Variants in RANBP2 observed in about 807,000 individuals in gnomAD.
RANBP2 encodes the protein RAN binding protein 2.
A neutral mutation model predicts 303.6 loss-of-function variants in RANBP2; 57 were observed. That is an observed-to-expected ratio of 0.19 (90% CI 0.15 to 0.23). The LOEUF (loss-of-function observed/expected upper bound fraction) is 0.23. Ranked by LOEUF, RANBP2 falls within the 10% of genes least tolerant of loss-of-function variation. The probability of loss-of-function intolerance (pLI) is 1.00; values close to 1 mark genes in which losing one functional copy is unlikely to be tolerated. For missense variants in RANBP2, 3,138 were observed against 3,780.8 expected (o/e 0.83, Z 4.46); for synonymous variants, 1,167 against 1,301.5 (o/e 0.90, Z 2.23).
intron 17 of RANBP2, among the ~76,000 whole-genome samples, chr2:108,755,560 ATTG>A (rs1282709736): frequency 6.6e-6 from 1 of 151,768 alleles, no homozygotes; most frequent in Non-Finnish European, 1.5e-5. Context: ...GGCCCAGCTA[ATTG>A]TTGTATTTTT....
At chr2:109,074,214 C>G in the RANBP2 span, among the ~76,000 whole-genome samples, 1 of 150,086 alleles carries the variant, frequency 6.7e-6, no homozygotes, top group Non-Finnish European at 1.5e-5. Context: ...TAGAAATACA[C>G]AAAATTTAGC....
chr2:109,486,510 C>T, the RANBP2 span, among the ~76,000 whole-genome samples: 1 of 152,220 alleles, frequency 6.6e-6, no homozygotes, highest in Non-Finnish European at 1.5e-5. Context: ...TGAGTAAACA[C>T]ATTATAAAAA....
chr2:109,056,165 G>C, the RANBP2 span, among the ~76,000 whole-genome samples: 1 of 151,756 alleles, frequency 6.6e-6, no homozygotes, highest in Non-Finnish European at 1.5e-5. Flanking sequence ...TTTAGGGGGT[G>C]GGGGAAGACA....
the RANBP2 span, among the ~76,000 whole-genome samples, chr2:108,987,032 G>A: frequency 1.3e-5 from 2 of 152,212 alleles, no homozygotes; most frequent in African/African-American, 4.8e-5. Context: ...CATGCAGGCA[G>A]TCACTAGGCA....
chr2:109,142,963 G>A, the RANBP2 span, among the ~76,000 whole-genome samples: 1 of 152,060 alleles, frequency 6.6e-6, no homozygotes, highest in South Asian at 2.1e-4. Flanking sequence ...GTGGAGTGCC[G>A]GGGGCTTGGG....
chr2:108,755,722 A>ATTTTG lies in RANBP2; in HGVS notation c.2466+479_2466+483dup, dbSNP rs1410179066. 4.6e-5 allele frequency among the ~76,000 whole-genome samples: 7 copies of ATTTTG among 150,654 alleles called. No individual in the cohort carries two copies. The East Asian group carries it at 9.9e-4, about 21-fold the overall frequency. ...TACCTCGGTCTTGACCCTTTACCAT[A>ATTTTG]TTTTGTTTTGTTTTGTTTTGAGATG... On this transcript the variant is annotated intron_variant, in intron 17 of 28. Transcript: ENST00000283195.
chr2:109,094,313 T>G, the RANBP2 span, among the ~76,000 whole-genome samples: 3 of 152,172 alleles, frequency 2.0e-5, no homozygotes, highest in African/African-American at 4.8e-5. Context: ...CCCTCCTTTT[T>G]GGGGATCCGG....
chr2:109,140,871 G>T, the RANBP2 span, among the ~76,000 whole-genome samples: 3 of 152,164 alleles, frequency 2.0e-5, no homozygotes, highest in Non-Finnish European at 2.9e-5. Flanking sequence ...GGCCCCAGGG[G>T]TATCAGTTTT....
At chr2:109,106,640 T>A in the RANBP2 span, among the ~76,000 whole-genome samples, 1 of 152,022 alleles carries the variant, frequency 6.6e-6, no homozygotes, top group South Asian at 2.1e-4. Flanking sequence ...ATCAAGACCA[T>A]CCTGGCTGAC....
At chr2:109,005,518 A>C in the RANBP2 span, among the ~76,000 whole-genome samples, 1 of 152,102 alleles carries the variant, frequency 6.6e-6, no homozygotes, top group East Asian at 1.9e-4. Flanking sequence ...CTGCAGAAGC[A>C]GTTTGCCTTT....
the RANBP2 span, among the ~76,000 whole-genome samples, chr2:109,556,358 T>G: frequency 6.6e-6 from 1 of 152,234 alleles, no homozygotes; most frequent in Non-Finnish European, 1.5e-5. Context: ...TTTCAAAATA[T>G]GAATTAAATC....
chr2:109,150,706 G>T, the RANBP2 span, among the ~76,000 whole-genome samples: 1 of 152,112 alleles, frequency 6.6e-6, no homozygotes, highest in Non-Finnish European at 1.5e-5. Flanking sequence ...TTGGTGCGAT[G>T]AGCCTCATTT....
the RANBP2 span, among the ~76,000 whole-genome samples, chr2:109,049,222 G>A: frequency 6.6e-6 from 1 of 152,172 alleles, no homozygotes; most frequent in Non-Finnish European, 1.5e-5. Context: ...CCTCCGCTGG[G>A]TCCTGCTGAT....
chr2:109,478,266 C>T, the RANBP2 span, among the ~76,000 whole-genome samples: 12 of 152,334 alleles, frequency 7.9e-5, no homozygotes, highest in Non-Finnish European at 1.5e-4. Context: ...CCCATAAAGC[C>T]GTCTAGCTGT....
chr2:109,513,001 A>G, the RANBP2 span, among the ~76,000 whole-genome samples: 1 of 152,198 alleles, frequency 6.6e-6, no homozygotes, highest in Non-Finnish European at 1.5e-5. Context: ...AACCTGCAAG[A>G]GCCCACACAA....
At chr2:109,076,210 T>G in the RANBP2 span, among the ~76,000 whole-genome samples, 1 of 150,334 alleles carries the variant, frequency 6.7e-6, no homozygotes, top group Non-Finnish European at 1.5e-5. Flanking sequence ...TCTCAATAGA[T>G]GCAGAAAATA....
chr2:109,523,129 C>T, the RANBP2 span, among the ~76,000 whole-genome samples: 2 of 152,144 alleles, frequency 1.3e-5, no homozygotes, highest in Non-Finnish European at 2.9e-5. Flanking sequence ...AGAGTAGATG[C>T]GGCTGATGGC....
At chr2:108,739,878 C>T (rs1695935991) in intron 6 of RANBP2, among the ~76,000 whole-genome samples, 1 of 152,146 alleles carries the variant, frequency 6.6e-6, no homozygotes, top group South Asian at 2.1e-4. Context: ...ATCCCAGCTA[C>T]TCAGAAGGCT....
At chr2:109,240,767 GTCCTTC>G in the RANBP2 span, among the ~76,000 whole-genome samples, 1,602 of 151,056 alleles carry the variant, frequency 0.011, 13 homozygotes, top group South Asian at 0.024. Context: ...TCCTCCTGTC[GTCCTTC>G]TCCTCTCTAG....
Sources: allele counts gnomAD v4.1 joint callset (sites outside exome capture counted in the v4.1 genomes callset), GRCh38; gene constraint gnomAD v4.1.1; transcripts MANE v1.5; gene names NCBI Gene and HGNC (gene_info 2026-07-23, HGNC 2026-07-21).